TBC1D5: variants seen among roughly 807,000 people sequenced by gnomAD.
The protein encoded by TBC1D5 is TBC1 domain family, member 5.
In TBC1D5, 75 loss-of-function variants were observed where a neutral mutation model predicts 100.3. That is an observed-to-expected ratio of 0.75 (90% CI 0.62 to 0.91). The LOEUF (loss-of-function observed/expected upper bound fraction) is 0.91. TBC1D5 is among the 40% of genes least tolerant of loss of function. TBC1D5 has a pLI of 0.00. For missense variants in TBC1D5, 910 were observed against 942.4 expected (o/e 0.97, Z 0.45); for synonymous variants, 323 against 325.6 (o/e 0.99, Z 0.09).
intron 4 of TBC1D5, among the ~76,000 whole-genome samples, chr3:17,407,366 TGAGTA>T (rs961204899): frequency 2.6e-5 from 4 of 152,154 alleles, no homozygotes; most frequent in African/African-American, 7.2e-5. Context: ...AAGAATCACT[TGAGTA>T]GAGGCTACTG....
At chr3:17,455,274 ATG>A (rs977534080) in intron 3 of TBC1D5, among the ~76,000 whole-genome samples, 2 of 146,398 alleles carry the variant, frequency 1.4e-5, no homozygotes, top group African/African-American at 5.0e-5. Context: ...ATATACATAT[ATG>A]TGTGTATATA....
At chr3:17,613,821 T>C (rs2061890264) in intron 2 of TBC1D5, among the ~76,000 whole-genome samples, 2 of 152,236 alleles carry the variant, frequency 1.3e-5, no homozygotes, top group Admixed American at 1.3e-4. Context: ...AAAAATTTTC[T>C]CCCATTCTGT....
At chr3:17,560,634 G>T (rs1322001383) in intron 2 of TBC1D5, among the ~76,000 whole-genome samples, 1 of 149,206 alleles carries the variant, frequency 6.7e-6, no homozygotes, top group East Asian at 2.0e-4. Context: ...AAAAAAGGGG[G>T]GGTGGGGGGC....
intron 2 of TBC1D5, among the ~76,000 whole-genome samples, chr3:17,545,200 T>C (rs1474883163): frequency 6.6e-6 from 1 of 152,190 alleles, no homozygotes; most frequent in East Asian, 1.9e-4. Flanking sequence ...ATAGGGCCTT[T>C]ACAGCAAAAA....
chr3:17,723,938 A>G (rs1225562700), intron 1 of TBC1D5, among the ~76,000 whole-genome samples: 4 of 152,206 alleles, frequency 2.6e-5, no homozygotes, highest in African/African-American at 9.6e-5. Flanking sequence ...AGAACCAATC[A>G]GAAAATATAT....
chr3:17,635,916 G>T (rs1395520678), intron 1 of TBC1D5, among the ~76,000 whole-genome samples: 1 of 152,118 alleles, frequency 6.6e-6, no homozygotes, highest in Admixed American at 6.5e-5. Flanking sequence ...GTTTTGGCCG[G>T]ACACGGTGAC....
chr3:17,570,423 A>G lies in TBC1D5; in HGVS notation c.-36+53426T>C, dbSNP rs1051674100. 5.9e-5 allele frequency among the ~76,000 whole-genome samples: 9 copies of G among 151,948 alleles called. No individual in the cohort carries two copies. The East Asian group carries it at 1.2e-3, about 20-fold the overall frequency. On this transcript the variant is annotated intron_variant, in intron 2 of 21. Coordinates refer to ENST00000253692, the Ensembl canonical transcript of TBC1D5. The stretch of plus-strand genomic sequence containing the variant: ...GTAACTTGCCTAACGTCACACAACT[A>G]TAACTCAGATCTCTAACTAGAAAAC...
chr3:17,482,668 T>C (rs1347141559), intron 3 of TBC1D5, among the ~76,000 whole-genome samples: 1 of 152,202 alleles, frequency 6.6e-6, no homozygotes, highest in Non-Finnish European at 1.5e-5. Context: ...AAAGAAGGCT[T>C]TGTTTACCAG....
intron 16 of TBC1D5, among the ~76,000 whole-genome samples, chr3:17,256,779 T>C (rs1004865924): frequency 1.3e-5 from 2 of 152,172 alleles, no homozygotes; most frequent in African/African-American, 4.8e-5. Flanking sequence ...ATGAATTATA[T>C]AACTTCAGTT....
intron 14 of TBC1D5, among the ~76,000 whole-genome samples, chr3:17,292,317 T>C (rs897344969): frequency 1.1e-4 from 17 of 152,246 alleles, no homozygotes; most frequent in Non-Finnish European, 2.2e-4. Flanking sequence ...TATGGCTATG[T>C]TTAAATGTCT....
chr3:17,236,080 T>G (rs1384206181), intron 17 of TBC1D5, among the ~76,000 whole-genome samples: 1 of 152,174 alleles, frequency 6.6e-6, no homozygotes, highest in Non-Finnish European at 1.5e-5. Context: ...ACTGGGGACT[T>G]GGTTTTCATC....
exon 1 of TBC1D5, chr3:17,739,733 G>A (rs964604617): frequency 2.0e-5 from 3 of 152,312 alleles, no homozygotes; most frequent in Middle Eastern, 3.4e-3. Flanking sequence ...GTGTGATCCT[G>A]GTGGATCACG....
chr3:17,605,758 A>G (rs564774773), intron 2 of TBC1D5, among the ~76,000 whole-genome samples: 53 of 152,320 alleles, frequency 3.5e-4, no homozygotes, highest in African/African-American at 1.2e-3. Context: ...TGACCGACAA[A>G]TATTATGAGA....
chr3:17,371,053 A>G (rs2152029988), intron 13 of TBC1D5, among the ~76,000 whole-genome samples: 1 of 150,618 alleles, frequency 6.6e-6, no homozygotes, highest in South Asian at 2.1e-4. Context: ...CACACCTTAT[A>G]AGCCACTGAA....
chr3:17,233,826 G>A (rs1273396995), intron 17 of TBC1D5, 76 bp from the exon 18 acceptor site: 7 of 815,132 alleles, frequency 8.6e-6, no homozygotes, highest in Non-Finnish European at 1.4e-5. Context: ...TATACTGAAT[G>A]TTCTAATACT....
chr3:17,216,564 A>T (rs2073659986), intron 17 of TBC1D5, among the ~76,000 whole-genome samples: 1 of 152,126 alleles, frequency 6.6e-6, no homozygotes, highest in Non-Finnish European at 1.5e-5. Context: ...GAGGTTAGGA[A>T]AGAGTAGAGA....
At chr3:17,496,347 T>C (rs563717393) in intron 3 of TBC1D5, among the ~76,000 whole-genome samples, 189 of 152,336 alleles carry the variant, frequency 1.2e-3, no homozygotes, top group Non-Finnish European at 1.9e-3. Context: ...TGTTCTAATA[T>C]GTCCTAGAGG....
rs546897247 is a variant in TBC1D5 at position 17,479,657 on chromosome 3, T to C, written c.97+28817A>G. 2.0e-3 allele frequency among the ~76,000 whole-genome samples: 303 copies of C among 152,138 alleles called. 5 individuals are homozygous for C. Among genetic ancestry groups the C allele is most frequent in the Non-Finnish European group, 9.4e-4 (64 of 67,982 alleles). On this transcript the variant is annotated intron_variant, in intron 3 of 21. Transcript: ENST00000253692. The stretch of plus-strand genomic sequence containing the variant: ...TTTGAGACCAGCCTGGGCAACAGAG[T>C]GAGACCCCATCTCTACAAAAAAATT...
Position 17,503,587 on chromosome 3 carries a change from C to T in TBC1D5, c.97+4887G>A, listed in dbSNP as rs760024705. Among the ~76,000 whole-genome samples, 32 of 149,420 alleles carry T rather than the reference C, an allele frequency of 2.1e-4. 1 individual carries two copies. Among genetic ancestry groups the T allele is most frequent in the Admixed American group, 4.6e-4 (7 of 15,156 alleles). On this transcript the variant is annotated intron_variant, in intron 3 of 21. Coordinates refer to ENST00000253692, the Ensembl canonical transcript of TBC1D5. Reference sequence around the variant, plus strand: ...AAAAGCTTAAGAAAAGCTGCTACTCCGATAGTTACTGGTTCTATCATATTT... The same window carrying T: ...AAAAGCTTAAGAAAAGCTGCTACTCTGATAGTTACTGGTTCTATCATATTT...
Sources: gnomAD v4.1 joint callset for allele counts (sites outside exome capture counted in the v4.1 genomes callset) on GRCh38, gnomAD v4.1.1 for gene constraint, MANE v1.5 for transcripts, NCBI Gene and HGNC (gene_info 2026-07-23, HGNC 2026-07-21) for gene names.